IFFO2: variants seen among roughly 807,000 people sequenced by gnomAD.
The protein encoded by IFFO2 is intermediate filament family orphan 2.
IFFO2 carries 19 observed loss-of-function variants against 53.5 expected under a neutral mutation model. The ratio of observed to expected loss-of-function variants is 0.36; its 90% CI spans 0.25 to 0.52. The LOEUF (loss-of-function observed/expected upper bound fraction) is 0.52. IFFO2 is among the 20% of genes least tolerant of loss of function. The pLI, the probability that IFFO2 is intolerant of heterozygous loss-of-function variation, is 0.94. For missense variants in IFFO2, 570 were observed against 727.4 expected, an observed-to-expected ratio of 0.78 and a Z score of 2.49; for synonymous variants, 303 against 313.6, an observed-to-expected ratio of 0.97 and a Z score of 0.36.
intron 5 of IFFO2, among the ~76,000 whole-genome samples, chr1:18,913,871 C>A (rs902672955): frequency 6.6e-6 from 1 of 152,198 alleles, no homozygotes; most frequent in African/African-American, 2.4e-5. Context: ...CTCGCTGTCG[C>A]CCAGGCTGGA....
In IFFO2 at chr1:18,956,491, G is replaced by C. The variant is rs1432570585; in HGVS notation, c.-159C>G. 1 of 159,068 alleles carries C rather than the reference G, an allele frequency of 6.3e-6. No homozygotes were observed. The highest frequency in any genetic ancestry group is 1.4e-5 in the Non-Finnish European group (1 of 72,934). 9.9% of individuals were successfully genotyped at this position (159,068 alleles called of 1,614,324 possible). On this transcript the variant is annotated 5_prime_UTR_variant, in exon 1 of 9. Transcript: ENST00000455833. The surrounding 1 kb of genome is among the most constrained non-coding windows in gnomAD (Gnocchi z 6.4). ...CGCCAGATGCGGCCTCCGCAGAGAC[G>C]GCAGGACGGATGGCCCCGGATGCGG...
intron 5 of IFFO2, among the ~76,000 whole-genome samples, chr1:18,914,213 C>T (rs764337658): frequency 7.2e-5 from 11 of 152,172 alleles, no homozygotes; most frequent in Non-Finnish European, 1.2e-4. Flanking sequence ...AACACAGAGG[C>T]GCCCACTCCT....
intron 1 of IFFO2, among the ~76,000 whole-genome samples, chr1:18,926,228 T>C (rs993172869): frequency 1.3e-5 from 2 of 152,168 alleles, no homozygotes; most frequent in South Asian, 4.1e-4. Flanking sequence ...AGAGCATCCT[T>C]AGACTGAACA....
Position 18,917,628 on chromosome 1 carries a change from G to A in IFFO2, c.964-586C>T, listed in dbSNP as rs1557640245. ...GGAGGCCCAGATCTGGCCCAGCGAC[G>A]TCAAAGTCACACACACAGAGCGACA... On this transcript the variant is annotated intron_variant, in intron 4 of 8. Transcript: ENST00000455833. This position sits in a 1 kb window ranked among gnomAD's most constrained non-coding sequence, Gnocchi z 5.9. Among the ~76,000 whole-genome samples, 2 of 152,292 alleles carry A rather than the reference G, an allele frequency of 1.3e-5. No homozygotes were observed. Among genetic ancestry groups the A allele is most frequent in the South Asian group, 2.1e-4 (1 of 4,816 alleles).
Position 18,919,735 on chromosome 1 carries a change from A to G in IFFO2, c.765T>C (p.Asn255=). The G allele has an allele frequency of 6.4e-7, 1 of 1,551,578 alleles. No homozygotes were observed. The highest frequency in any genetic ancestry group is 8.7e-7 in the Non-Finnish European group (1 of 1,146,962). Residue 255 remains asparagine (N), a synonymous_variant, in exon 3 of 9, where the codon AAT becomes AAC. Transcript: ENST00000455833. The surrounding 1 kb of genome is among the most constrained non-coding windows in gnomAD (Gnocchi z 4.9). ...QEADAIQEEM[N]EKIERLKAEL... is the part of the protein sequence containing the mutation. ...CGGCCTTGAGCCGCTCGATCTTCTC[A>G]TTCATCTCCTCCTGGATGGCATCAG... is the stretch of plus-strand genomic sequence containing the variant.
chr1:18,919,702 C>A lies in IFFO2; in HGVS notation c.798G>T (p.Val266=), dbSNP rs375839018. 12 of 1,551,678 alleles carry A rather than the reference C, an allele frequency of 7.7e-6. No individual in the cohort carries two copies. The South Asian group carries it at 1.1e-4, about 14-fold the overall frequency. ...CGTCACTCATAAGCCCCTTAAACAC[C>A]ACCAGCTCGGCCTTGAGCCGCTCGA... ...EKIERLKAEL[V]VFKGLMSDPM... is the part of the protein sequence containing the mutation. The change falls in exon 3 of 9, where the codon GTG becomes GTT. Residue 266 remains valine (V), a synonymous_variant. Transcript: ENST00000455833. The surrounding 1 kb of genome is among the most constrained non-coding windows in gnomAD (Gnocchi z 4.9).
Position 18,908,514 on chromosome 1 carries a change from G to A in IFFO2, c.*47C>T, listed in dbSNP as rs374990821. The A allele has an allele frequency of 7.3e-7, 1 of 1,378,286 alleles. No homozygotes were observed. The highest frequency in any genetic ancestry group is 1.0e-6 in the Non-Finnish European group (1 of 989,048). 85.4% of individuals were successfully genotyped at this position (1,378,286 alleles called of 1,614,324 possible). On this transcript the variant is annotated 3_prime_UTR_variant, in exon 9 of 9. Coordinates refer to ENST00000455833, the MANE Select transcript of IFFO2 (RefSeq NM_001136265.2). ...CCTTCCTGGCCCCATGAGGAGAGGT[G>A]GCAGGGCCCCATCACCAAGACCACC... is the stretch of plus-strand genomic sequence containing the variant.
chr1:18,935,864 A>ATTTTTT (rs757253270), intron 1 of IFFO2, among the ~76,000 whole-genome samples: 49 of 95,402 alleles, frequency 5.1e-4, no homozygotes, highest in South Asian at 1.0e-3. Flanking sequence ...TAATTTTTCT[A>ATTTTTT]TTTTTTTTTT....
chr1:18,925,748 AATGGATTGGTTGGATGGATGGATGGATGG>A (rs1936274026), intron 1 of IFFO2, among the ~76,000 whole-genome samples: 1 of 151,424 alleles, frequency 6.6e-6, no homozygotes, highest in South Asian at 2.1e-4. Flanking sequence ...ACATTTATCG[AATGGATTGGTTGGATGGATGGATGGATGG>A]ATGGATTGGT....
In IFFO2 at chr1:18,919,393, A is replaced by G. The variant is rs1395108512; in HGVS notation, c.822+285T>C. ...TCAAGGCGAGCTGGGAAGGAGTGGG[A>G]GCAAACACACACAGACCATCAGGGG... On this transcript the variant is annotated intron_variant, in intron 3 of 8. Transcript: ENST00000455833. This position sits in a 1 kb window ranked among gnomAD's most constrained non-coding sequence, Gnocchi z 4.9. Among the ~76,000 whole-genome samples, 6 of 151,776 alleles carry G rather than the reference A, an allele frequency of 4.0e-5. No homozygotes were observed.
At chr1:18,914,592 G>A (rs560080814) in intron 5 of IFFO2, among the ~76,000 whole-genome samples, 201 of 152,100 alleles carry the variant, frequency 1.3e-3, no homozygotes, top group African/African-American at 3.8e-3. Flanking sequence ...CAAGGTGGGC[G>A]GATCACTTTA....
At chr1:18,941,215 C>T (rs147306625) in intron 1 of IFFO2, among the ~76,000 whole-genome samples, 1 of 152,214 alleles carries the variant, frequency 6.6e-6, no homozygotes, top group Non-Finnish European at 1.5e-5. Context: ...AGAGTGCTCT[C>T]GGGAAGTGAG....
chr1:18,953,567 C>T (rs1448100105), intron 1 of IFFO2, among the ~76,000 whole-genome samples: 1 of 152,076 alleles, frequency 6.6e-6, no homozygotes, highest in East Asian at 1.9e-4. Flanking sequence ...CAATTCTAGC[C>T]CCCCCTCAAC....
intron 1 of IFFO2, among the ~76,000 whole-genome samples, chr1:18,934,919 C>A (rs1176222197): frequency 2.0e-5 from 3 of 152,186 alleles, no homozygotes; most frequent in African/African-American, 7.2e-5. Context: ...ACCTTTGTAC[C>A]CTCACATTTG....
chr1:18,931,470 T>C (rs1447340035), intron 1 of IFFO2, among the ~76,000 whole-genome samples: 2 of 152,206 alleles, frequency 1.3e-5, no homozygotes, highest in African/African-American at 4.8e-5. Flanking sequence ...AGGGAGCTTT[T>C]CATGACTTCC....
intron 1 of IFFO2, among the ~76,000 whole-genome samples, chr1:18,932,647 T>C (rs1199251396): frequency 2.0e-5 from 3 of 152,216 alleles, no homozygotes; most frequent in Non-Finnish European, 2.9e-5. Flanking sequence ...AAATGCTCAA[T>C]AGATGGAAGC....
At chr1:18,927,194 C>G (rs752202609) in intron 1 of IFFO2, among the ~76,000 whole-genome samples, 1 of 152,182 alleles carries the variant, frequency 6.6e-6, no homozygotes, top group Non-Finnish European at 1.5e-5. Flanking sequence ...AGCAGCTCCA[C>G]GTCAACGGCA....
At chr1:18,955,601 C>A in intron 1 of IFFO2, 67 bp downstream of exon 1, 1 of 1,495,696 alleles carries the variant, frequency 6.7e-7, no homozygotes, top group East Asian at 2.8e-5. Context: ...GTCCCGCATA[C>A]GCATTCCGCG....
At chr1:18,944,561 C>T (rs79921267) in intron 1 of IFFO2, among the ~76,000 whole-genome samples, 93 of 152,228 alleles carry the variant, frequency 6.1e-4, no homozygotes, top group Non-Finnish European at 1.1e-3. Flanking sequence ...CCCTTGCCCC[C>T]CACCATGATG....
Sources: allele counts gnomAD v4.1 joint callset (sites outside exome capture counted in the v4.1 genomes callset), GRCh38; gene constraint gnomAD v4.1.1; non-coding constraint Gnocchi (gnomAD v3.1); transcripts MANE v1.5; gene names NCBI Gene and HGNC (gene_info 2026-07-23, HGNC 2026-07-21).